Variants in CTNNA2 observed in about 807,000 individuals in gnomAD.
CTNNA2 encodes catenin alpha-2.
CTNNA2 carries 42 observed loss-of-function variants against 101.0 expected under a neutral mutation model. That is an observed-to-expected ratio of 0.42 (90% CI 0.32 to 0.54). CTNNA2 has a LOEUF of 0.54. CTNNA2 is among the 20% of genes least tolerant of loss of function. The pLI, the probability that CTNNA2 is intolerant of heterozygous loss-of-function variation, is 0.14. For missense variants in CTNNA2, 871 were observed against 1,223.1 expected, an observed-to-expected ratio of 0.71 and a Z score of 4.29; for synonymous variants, 450 against 456.4, an observed-to-expected ratio of 0.99 and a Z score of 0.18.
At chr2:79,474,059 T>G (rs1339217190) in intron 4 of CTNNA2, among the ~76,000 whole-genome samples, 1 of 152,192 alleles carries the variant, frequency 6.6e-6, no homozygotes, top group Non-Finnish European at 1.5e-5. Context: ...TGACTACTTT[T>G]TTAGACTTCA....
At position 79,826,077 on chromosome 2, in the gene CTNNA2, A is replaced by C. The variant is rs563641955; in HGVS notation, c.299-31936A>C. Among the ~76,000 whole-genome samples the C allele has an allele frequency of 5.3e-5, 8 of 152,354 alleles. No homozygotes were observed. The South Asian group carries it at 1.7e-3, about 32-fold the overall frequency. On this transcript the variant is annotated intron_variant, in intron 3 of 18. Transcript: ENST00000402739. ...GTACCTTACAAAATATATCCTACACAAAAAGTGGCGTATATGTTAGCAAGT... is the reference window on the plus strand; with the variant it reads ...GTACCTTACAAAATATATCCTACACCAAAAGTGGCGTATATGTTAGCAAGT...
intron 1 of CTNNA2, among the ~76,000 whole-genome samples, chr2:79,606,650 A>G (rs954887540): frequency 6.6e-6 from 1 of 152,224 alleles, no homozygotes; most frequent in Non-Finnish European, 1.5e-5. Context: ...TGCCAGTTGA[A>G]TAAGTCCATA....
chr2:79,356,838 G>A (rs1047425585), intron 3 of CTNNA2, among the ~76,000 whole-genome samples: 7 of 152,008 alleles, frequency 4.6e-5, no homozygotes, highest in Non-Finnish European at 1.0e-4. Flanking sequence ...AGAAGGAATG[G>A]AAGTTAAAAA....
At chr2:80,574,349 A>G in intron 13 of CTNNA2, 35 bp downstream of exon 13, 2 of 1,535,768 alleles carry the variant, frequency 1.3e-6, no homozygotes, top group Non-Finnish European at 1.8e-6. Flanking sequence ...AGCTGGTCAG[A>G]TCTCCTAGTA....
At chr2:79,733,650 A>C (rs1025665231) in intron 2 of CTNNA2, among the ~76,000 whole-genome samples, 10 of 152,100 alleles carry the variant, frequency 6.6e-5, no homozygotes, top group African/African-American at 2.4e-4. Context: ...ACATGTGACC[A>C]TCTAACATAG....
chr2:79,569,437 G>A (rs1471167188), intron 1 of CTNNA2, among the ~76,000 whole-genome samples: 1 of 152,184 alleles, frequency 6.6e-6, no homozygotes, highest in Non-Finnish European at 1.5e-5. Flanking sequence ...GACAGGTCAT[G>A]AAAACATGCC....
chr2:79,678,300 G>A (rs1683324484), intron 2 of CTNNA2, among the ~76,000 whole-genome samples: 1 of 151,966 alleles, frequency 6.6e-6, no homozygotes, highest in African/African-American at 2.4e-5. Flanking sequence ...CTAGCACTTT[G>A]GGAGCCCAAG....
At chr2:80,499,834 A>G (rs1194201400) in intron 9 of CTNNA2, among the ~76,000 whole-genome samples, 1 of 152,100 alleles carries the variant, frequency 6.6e-6, no homozygotes, top group African/African-American at 2.4e-5. Context: ...AGAATAAAAA[A>G]TAAGATTAGC....
chr2:79,664,683 A>G (rs1198292217), intron 2 of CTNNA2, among the ~76,000 whole-genome samples: 2 of 149,076 alleles, frequency 1.3e-5, no homozygotes, highest in Non-Finnish European at 3.0e-5. Context: ...TAATTTGTAA[A>G]TTCTGGAGAA....
At chr2:80,190,578 G>C (rs1706431177) in intron 7 of CTNNA2, among the ~76,000 whole-genome samples, 1 of 152,064 alleles carries the variant, frequency 6.6e-6, no homozygotes. Context: ...AGAATCTGTA[G>C]CTCAAAACAC....
At chr2:80,517,019 A>G (rs1689162003) in intron 9 of CTNNA2, among the ~76,000 whole-genome samples, 1 of 152,148 alleles carries the variant, frequency 6.6e-6, no homozygotes, top group African/African-American at 2.4e-5. Context: ...CCCTCCCCAG[A>G]AAACAATCCT....
At chr2:79,483,351 T>C (rs1385051503) in intron 4 of CTNNA2, among the ~76,000 whole-genome samples, 1 of 152,234 alleles carries the variant, frequency 6.6e-6, no homozygotes, top group Non-Finnish European at 1.5e-5. Flanking sequence ...CTATGCAGAC[T>C]TACTTTCTGC....
intron 18 of CTNNA2, among the ~76,000 whole-genome samples, chr2:80,645,960 C>T (rs1674034203): frequency 6.6e-6 from 1 of 152,030 alleles, no homozygotes; most frequent in African/African-American, 2.4e-5. Context: ...AAATTGAGCT[C>T]ATTTGATTGA....
intron 9 of CTNNA2, among the ~76,000 whole-genome samples, chr2:80,456,002 CT>C (rs1683945816): frequency 1.3e-5 from 2 of 152,198 alleles, no homozygotes; most frequent in Non-Finnish European, 2.9e-5. Flanking sequence ...CAAAATGTCC[CT>C]TTTACTGTTC....
intron 4 of CTNNA2, among the ~76,000 whole-genome samples, chr2:79,443,916 C>A (rs1678803279): frequency 6.8e-6 from 1 of 147,532 alleles, no homozygotes. Flanking sequence ...CTCTCTCTCT[C>A]TCTCTCTCTC....
chr2:79,941,967 A>T (rs906519658), intron 7 of CTNNA2, among the ~76,000 whole-genome samples: 2 of 152,208 alleles, frequency 1.3e-5, no homozygotes, highest in Admixed American at 1.3e-4. Context: ...AAGATCCTAC[A>T]ATCCAAATTC....
intron 7 of CTNNA2, among the ~76,000 whole-genome samples, chr2:80,373,880 A>G: frequency 6.6e-6 from 1 of 152,138 alleles, no homozygotes; most frequent in East Asian, 1.9e-4. Flanking sequence ...TTCACACAAG[A>G]GATTTCTGGA....
chr2:80,563,888 T>C (rs1213628916), intron 12 of CTNNA2, among the ~76,000 whole-genome samples: 1 of 152,172 alleles, frequency 6.6e-6, no homozygotes, highest in Non-Finnish European at 1.5e-5. Flanking sequence ...TTTATATCTG[T>C]CCTAGTGTTT....
intron 3 of CTNNA2, among the ~76,000 whole-genome samples, chr2:79,841,652 G>A (rs1679826895): frequency 1.3e-5 from 2 of 152,188 alleles, no homozygotes; most frequent in South Asian, 4.1e-4. Context: ...TATAAGGTGT[G>A]CTTTCTTTAG....
Sources: allele counts gnomAD v4.1 joint callset (sites outside exome capture counted in the v4.1 genomes callset), GRCh38; gene constraint gnomAD v4.1.1; transcripts MANE v1.5; gene names NCBI Gene and HGNC (gene_info 2026-07-23, HGNC 2026-07-21).